NRAP: variants seen among roughly 807,000 people sequenced by gnomAD.
The protein encoded by NRAP is nebulin related anchoring protein.
Under a neutral mutation model 225.9 loss-of-function variants are expected in NRAP, and 189 were observed. The ratio of observed to expected loss-of-function variants is 0.84; its 90% CI spans 0.74 to 0.94. The LOEUF is 0.94. Among genes scored for constraint, NRAP ranks in the 40% least tolerant of loss-of-function variants. The pLI is 0.00. For missense variants in NRAP, 2,176 were observed against 2,168.7 expected, an observed-to-expected ratio of 1.00 and a Z score of -0.07; for synonymous variants, 769 against 790.7, an observed-to-expected ratio of 0.97 and a Z score of 0.46.
rs780964345 is a variant in NRAP, at chr10:113,605,835, G to T, written c.3842C>A (p.Ala1281Asp). The change falls in exon 34 of 42, where the codon GCT becomes GAT. Residue 1281 changes from alanine (A) to aspartate (D), a missense_variant. By Grantham distance (126) the Ala-to-Asp change is moderately radical. Transcript: ENST00000359988. Reference protein sequence around the residue: ...RYKESWRNLRAQGYKLTIEAL... With the variant: ...RYKESWRNLRDQGYKLTIEAL... ...TTCTATTGTCAGCTTGTAGCCTTGA[G>T]CACGAAGATTACGCCAGGACTCTTT... is the stretch of plus-strand genomic sequence containing the variant. 14 of 1,613,996 alleles carry T rather than the reference G, an allele frequency of 8.7e-6. No individual in the cohort carries two copies. The South Asian group carries it at 1.5e-4, about 18-fold the overall frequency.
At chr10:113,646,786 G>T (rs1162528270) in intron 10 of NRAP, 137 bp downstream of exon 10, 3 of 674,010 alleles carry the variant, frequency 4.5e-6, no homozygotes, top group Non-Finnish European at 8.1e-6. Context: ...TCATAAATTT[G>T]GATGGGAGTT....
chr10:113,606,071 T>A (rs902364922), intron 33 of NRAP, 107 bp downstream of exon 33: 2 of 906,544 alleles, frequency 2.2e-6, no homozygotes, highest in Non-Finnish European at 3.7e-6. Context: ...GCTACACATT[T>A]TAAAAAGCTT....
intron 11 of NRAP, among the ~76,000 whole-genome samples, 195 bp downstream of exon 11, chr10:113,645,630 T>C (rs1420312884): frequency 1.3e-5 from 2 of 152,230 alleles, no homozygotes; most frequent in African/African-American, 2.4e-5. Flanking sequence ...TTAGTCAGGC[T>C]GATCTCGAAC....
chr10:113,622,125 T>A lies in NRAP; in HGVS notation c.2513A>T (p.Asp838Val), dbSNP rs1402600143. The change falls in exon 24 of 42, where the codon GAT becomes GTT. Residue 838 changes from aspartate (D) to valine (V), a missense_variant. Coordinates refer to ENST00000359988, the MANE Select transcript of NRAP (RefSeq NM_198060.4). The part of the protein sequence containing the change: ...RSRGKLIGAK[D>V]VQGDSQMSHS... ...GCTCATTTGCGAATCTCCCTGTACA[T>A]CTTTTGCCCCAATGAGCTTCCCTCT... The A allele has an allele frequency of 6.2e-7, 1 of 1,614,070 alleles. No homozygotes were observed. The highest frequency in any genetic ancestry group is 8.5e-7 in the Non-Finnish European group (1 of 1,179,934).
At chr10:113,633,755 A>G (rs944721701) in intron 15 of NRAP, among the ~76,000 whole-genome samples, 1 of 152,172 alleles carries the variant, frequency 6.6e-6, no homozygotes, top group Non-Finnish European at 1.5e-5. Flanking sequence ...TACCTTTTAG[A>G]GATTCATACT....
chr10:113,614,400 T>G (rs1268383291), intron 28 of NRAP, 104 bp from the exon 29 acceptor site: 8 of 825,948 alleles, frequency 9.7e-6, no homozygotes, highest in Non-Finnish European at 1.7e-5. Flanking sequence ...TGACAGTAGC[T>G]GGGTGAGTTA....
chr10:113,625,482 T>G (rs927134552), intron 21 of NRAP, among the ~76,000 whole-genome samples: 1 of 152,242 alleles, frequency 6.6e-6, no homozygotes, highest in Non-Finnish European at 1.5e-5. Context: ...GGCTTTCTGC[T>G]GACTCTGAGT....
intron 19 of NRAP, 93 bp from the exon 20 acceptor site, chr10:113,629,114 T>G: frequency 1.1e-6 from 1 of 938,180 alleles, no homozygotes; most frequent in East Asian, 2.5e-5. Context: ...GATCCTGCAT[T>G]TGCCTTCCTA....
At position 113,663,698 on chromosome 10, in the gene NRAP, T is replaced by A. The variant is rs1592896533; in HGVS notation, c.72+113A>T. 8 of 820,754 alleles carry A rather than the reference T, an allele frequency of 9.7e-6. No individual in the cohort carries two copies. In the South Asian group the frequency reaches 1.1e-4, roughly 11 times the overall value. 50.8% of individuals were successfully genotyped at this position (820,754 alleles called of 1,614,324 possible). A position where few individuals can be genotyped will look rare whatever the true frequency, so the allele number is the denominator to read the frequency against. Reference sequence around the variant, plus strand: ...GAGAAAATATAACTTTTTCTTGTGGTTCAAAACAATTTAACTGAAAATTAA... The same window carrying A: ...GAGAAAATATAACTTTTTCTTGTGGATCAAAACAATTTAACTGAAAATTAA... On this transcript the variant is annotated intron_variant, in intron 1 of 41. Transcript: ENST00000359988.
chr10:113,659,589 A>C (rs1850534307), intron 3 of NRAP, among the ~76,000 whole-genome samples: 1 of 152,248 alleles, frequency 6.6e-6, no homozygotes, highest in Non-Finnish European at 1.5e-5. Context: ...AAACAGAAAG[A>C]GGAAAAAATG....
intron 38 of NRAP, among the ~76,000 whole-genome samples, chr10:113,594,124 AC>A (rs1411400620): frequency 6.6e-6 from 1 of 152,110 alleles, no homozygotes; most frequent in Non-Finnish European, 1.5e-5. Flanking sequence ...CTTCTTTATC[AC>A]AGTGGGCACA....
At chr10:113,593,493 C>T (rs4918858) in intron 38 of NRAP, among the ~76,000 whole-genome samples, 32,873 of 152,096 alleles carry the variant, frequency 0.22, 3,854 homozygotes, top group Admixed American at 0.35. Context: ...CTCCAACACC[C>T]GATGCCGTAA....
intron 38 of NRAP, among the ~76,000 whole-genome samples, chr10:113,594,166 A>G (rs781424822): frequency 8.5e-5 from 13 of 152,258 alleles, no homozygotes; most frequent in Non-Finnish European, 1.8e-4. Flanking sequence ...CATTAGAGTC[A>G]TTTGATTTTT....
chr10:113,649,911 A>T, intron 9 of NRAP, 126 bp downstream of exon 9: 1 of 631,404 alleles, frequency 1.6e-6, no homozygotes. Flanking sequence ...TGGAAAATCT[A>T]CCTTTCATAA....
At chr10:113,658,233 T>C (rs1850432174) in intron 3 of NRAP, among the ~76,000 whole-genome samples, 1 of 152,210 alleles carries the variant, frequency 6.6e-6, no homozygotes, top group Non-Finnish European at 1.5e-5. Context: ...GTGCCAATTC[T>C]ATGCTGAGTT....
At position 113,590,619 on chromosome 10, in the gene NRAP, C is replaced by T. The variant is rs1286560031; in HGVS notation, c.4915G>A (p.Gly1639Ser). Residue 1639 changes from glycine (G) to serine (S), a missense_variant, in exon 40 of 42, where the codon GGC becomes AGC. By Grantham distance (56) the Gly-to-Ser change is moderately conservative. Coordinates refer to ENST00000359988, the MANE Select transcript of NRAP (RefSeq NM_198060.4). ...PQPTCDPEQL[G>S]LRHAQKAHQL... ...TGGGCCTTCTGAGCATGCCTGAGGCCCAGCTGCTCCGGGTCGCAGGTGGGC... is the reference window on the plus strand; with the variant it reads ...TGGGCCTTCTGAGCATGCCTGAGGCTCAGCTGCTCCGGGTCGCAGGTGGGC... 1 of 1,613,592 alleles carries T rather than the reference C, an allele frequency of 6.2e-7. No individual in the cohort carries two copies. The highest frequency in any genetic ancestry group is 2.2e-5 in the East Asian group (1 of 44,880).
chr10:113,620,537 A>T, intron 25 of NRAP, 67 bp downstream of exon 25: 2 of 1,081,670 alleles, frequency 1.8e-6, no homozygotes, highest in Non-Finnish European at 2.8e-6. Context: ...AAATTATTTT[A>T]ATTTTATACA....
At position 113,650,017 on chromosome 10, in the gene NRAP, G is replaced by A. The variant is rs1344815516; in HGVS notation, c.888+20C>T. 2.2e-6 allele frequency: 3 copies of A among 1,367,952 alleles called. No homozygotes were observed. Among genetic ancestry groups the A allele is most frequent in the African/African-American group, 1.4e-5 (1 of 69,884 alleles). The allele number at this position is 1,367,952 out of a possible 1,614,324, so 84.7% of individuals were successfully genotyped here. A position where few individuals can be genotyped will look rare whatever the true frequency, so the allele number is the denominator to read the frequency against. On this transcript the variant is annotated intron_variant, in intron 9 of 41. Coordinates refer to ENST00000359988, the MANE Select transcript of NRAP (RefSeq NM_198060.4). ...CCAAACATGGAAAAGAGCAGGTCAG[G>A]AGATCATTTTATCACATACCTGGCC...
chr10:113,589,955 T>G (rs1353509834), intron 40 of NRAP, among the ~76,000 whole-genome samples, 158 bp from the exon 41 acceptor site: 4 of 152,168 alleles, frequency 2.6e-5, no homozygotes, highest in Non-Finnish European at 1.5e-5. Context: ...ATAAGCAGCA[T>G]CTCCCTGGCA....
Sources: allele counts gnomAD v4.1 joint callset (sites outside exome capture counted in the v4.1 genomes callset), GRCh38; gene constraint gnomAD v4.1.1; transcripts MANE v1.5; gene names NCBI Gene and HGNC (gene_info 2026-07-23, HGNC 2026-07-21).